Variants in ITGB7 observed in about 807,000 individuals in gnomAD.
ITGB7 encodes the protein integrin subunit beta 7.
A neutral mutation model predicts 83.4 loss-of-function variants in ITGB7; 55 were observed. The ratio of observed to expected loss-of-function variants is 0.66; its 90% CI spans 0.53 to 0.83. The LOEUF (loss-of-function observed/expected upper bound fraction) is 0.83, where lower values mean the gene tolerates loss of function less well. ITGB7 is among the 40% of genes least tolerant of loss of function. The probability of loss-of-function intolerance (pLI) is 0.00; values close to 1 mark genes in which losing one functional copy is unlikely to be tolerated. For synonymous variants in ITGB7, 454 were observed against 423.6 expected, an observed-to-expected ratio of 1.07 and a Z score of -0.88; for missense variants, 921 against 1,046.7, an observed-to-expected ratio of 0.88 and a Z score of 1.66.
intron 7 of ITGB7, 79 bp downstream of exon 7, chr12:53,195,962 G>A: frequency 5.8e-6 from 9 of 1,540,028 alleles, no homozygotes; most frequent in African/African-American, 1.4e-5. Flanking sequence ...GGTGAGGACT[G>A]TAAGGCTGGG....
intron 11 of ITGB7, 102 bp downstream of exon 11, chr12:53,193,606 G>T: frequency 9.4e-7 from 1 of 1,060,782 alleles, no homozygotes; most frequent in Non-Finnish European, 1.4e-6. Context: ...TCGGGATGTC[G>T]AGGAGACTCC....
At chr12:53,194,407 T>G in intron 9 of ITGB7, 63 bp from the exon 10 acceptor site, 1 of 1,540,292 alleles carries the variant, frequency 6.5e-7, no homozygotes, top group South Asian at 1.2e-5. Flanking sequence ...CCCCACCTTA[T>G]GTCCTCTCCA....
chr12:53,193,308 A>G lies in ITGB7; in HGVS notation c.1558T>C (p.Ser520Pro), dbSNP rs1359793523. The change falls in exon 12 of 16, where the codon TCC (serine) becomes CCC (proline). Residue 520 changes from serine to proline, a missense_variant. Coordinates refer to ENST00000267082, the MANE Select transcript of ITGB7 (RefSeq NM_000889.3). ...CGGCACCCAGATTCCAGGTCTGGGG[A>G]GGACAGCTCTGCCACAGAGCACTCA... ...LCECSVAELS[S>P]PDLESGCRAP... The G allele has an allele frequency of 1.2e-6, 2 of 1,610,432 alleles. No individual in the cohort carries two copies. The highest frequency in any genetic ancestry group is 2.2e-5 in the South Asian group (2 of 90,924).
In ITGB7 at chr12:53,192,134, C is replaced by G. The variant is rs6580934; in HGVS notation, c.2156-115G>C. The G allele has an allele frequency of 5.5e-3, 7,498 of 1,358,654 alleles. 325 individuals carry two copies. In the African/African-American group the frequency reaches 0.095, roughly 17 times the overall value. 84.2% of individuals were successfully genotyped at this position (1,358,654 alleles called of 1,614,324 possible). On this transcript the variant is annotated intron_variant, in intron 14 of 15. Coordinates refer to ENST00000267082, the MANE Select transcript of ITGB7 (RefSeq NM_000889.3). ...TGTCTGTCACTGAAAGCAAAGGGAA[C>G]CCAGGGAGGTCCAAGGTTATCCTCA...
In ITGB7 at chr12:53,194,202, T is replaced by C. The variant is rs761024101; in HGVS notation, c.1304A>G (p.Gln435Arg). The C allele has an allele frequency of 6.2e-7, 1 of 1,614,110 alleles. No homozygotes were observed. The highest frequency in any genetic ancestry group is 8.5e-7 in the Non-Finnish European group (1 of 1,180,008). Residue 435 changes from glutamine to arginine, a missense_variant, in exon 10 of 16, where the codon CAG becomes CGG. Physicochemically the swap from Gln to Arg is conservative, Grantham distance 43 (BLOSUM62 1). Transcript: ENST00000267082. ...CCTGTGCTTGCTGGCTCTCACCGTC[T>C]GGTTGATTCGGACGTGGTTGCACTG... Reference protein sequence around the residue: ...RGQCNHVRINQTVTFWVSLQA... With the variant: ...RGQCNHVRINRTVTFWVSLQA...
chr12:53,192,497 G>T lies in ITGB7; in HGVS notation c.1988C>A (p.Ala663Asp). The part of the protein sequence containing the change: ...ECGAFRTGPL[A>D]TNCSTACAHT... ...GGCACAAGCTGTACTGCAGTTGGTG[G>T]CCAGTGGGCCAGTCCTGAAGGCCCC... Residue 663 changes from alanine (A) to aspartate (D), a missense_variant, in exon 14 of 16, where the codon GCC becomes GAC. By Grantham distance (126) the Ala-to-Asp change is moderately radical. Coordinates refer to ENST00000267082, the MANE Select transcript of ITGB7 (RefSeq NM_000889.3). 1 of 1,614,162 alleles carries T rather than the reference G, an allele frequency of 6.2e-7. No individual in the cohort carries two copies. The highest frequency in any genetic ancestry group is 1.1e-5 in the South Asian group (1 of 91,084).
In ITGB7 at chr12:53,193,584, C is replaced by CTT. The variant is rs374740581; in HGVS notation, c.1502+123_1502+124insAA. On this transcript the variant is annotated intron_variant, in intron 11 of 15. Transcript: ENST00000267082. ...ACATGGGAAGCTTCAAGGGATGAAA[C>CTT]TGAGTGGGGAGTCGGGATGTCGAGG... The CTT allele has an allele frequency of 1.9e-3, 1,701 of 908,704 alleles. 26 individuals carry two copies. The African/African-American group carries it at 0.026, about 14-fold the overall frequency. The allele number at this position is 908,704 out of a possible 1,614,324, so 56.3% of individuals were successfully genotyped here.
rs370437984 is a variant in ITGB7 at position 53,192,789 on chromosome 12, A to G, written c.1848T>C (p.His616=). ...ISPEGGLCSG[H]GRCKCNRCQC... is the part of the protein sequence containing the mutation. ...GGCAGCGGTTGCATTTGCAGCGTCC[A>G]TGCCCACTGCAGAGCCCTCCCTCGG... is the stretch of plus-strand genomic sequence containing the variant. Residue 616 remains histidine, a synonymous_variant, in exon 13 of 16, where the codon CAT becomes CAC. Transcript: ENST00000267082. The G allele has an allele frequency of 9.2e-5, 148 of 1,614,132 alleles. No individual in the cohort carries two copies. The highest frequency in any genetic ancestry group is 1.2e-4 in the Non-Finnish European group (145 of 1,180,052).
At chr12:53,195,594 G>A (rs1183840165) in intron 8 of ITGB7, 32 bp downstream of exon 8, 13 of 1,582,492 alleles carry the variant, frequency 8.2e-6, no homozygotes, top group South Asian at 1.1e-5. Flanking sequence ...TTGGGATGGG[G>A]CTGGGGGATC....
chr12:53,197,615 G>A lies in ITGB7; in HGVS notation c.452C>T (p.Pro151Leu), dbSNP rs201981995. 32 of 1,614,154 alleles carry A rather than the reference G, an allele frequency of 2.0e-5. No individual in the cohort carries two copies. In the Admixed American group the frequency reaches 4.5e-4, roughly 23 times the overall value. ...GTCCATAAGGTAGTACAGGTCCACC[G>A]GGTATCCCTCAGCACGAAGGAAGCG... is the stretch of plus-strand genomic sequence containing the variant. ...QVRFLRAEGY[P>L]VDLYYLMDLS... The change falls in exon 5 of 16, where the codon CCG (proline) becomes CTG (leucine). Residue 151 changes from proline to leucine, a missense_variant. Transcript: ENST00000267082.
At chr12:53,198,204 A>C (rs1311227429) in intron 3 of ITGB7, among the ~76,000 whole-genome samples, 1 of 152,220 alleles carries the variant, frequency 6.6e-6, no homozygotes, top group African/African-American at 2.4e-5. Context: ...ATCTCCGCTC[A>C]CTGCAACCTC....
intron 10 of ITGB7, 59 bp downstream of exon 10, chr12:53,194,139 T>C (rs1942073022): frequency 1.9e-6 from 3 of 1,608,318 alleles, no homozygotes; most frequent in South Asian, 1.1e-5. Flanking sequence ...TCCTGCCTGC[T>C]TAATTTCCCA....
intron 3 of ITGB7, among the ~76,000 whole-genome samples, chr12:53,199,909 C>T (rs189900600): frequency 1.6e-4 from 24 of 152,326 alleles, no homozygotes; most frequent in African/African-American, 5.5e-4. Context: ...TTTACATACA[C>T]AACAGCTCCC....
At chr12:53,197,306 C>T (rs1320430169) in intron 5 of ITGB7, 187 bp downstream of exon 5, 8 of 688,632 alleles carry the variant, frequency 1.2e-5, no homozygotes, top group African/African-American at 3.5e-5. Flanking sequence ...CTCTTGAGTC[C>T]TCTCCAGCTC....
Position 53,197,459 on chromosome 12 carries a change from G to A in ITGB7, c.574+34C>T, listed in dbSNP as rs781566781. On this transcript the variant is annotated intron_variant, in intron 5 of 15. Coordinates refer to ENST00000267082, the MANE Select transcript of ITGB7 (RefSeq NM_000889.3). ...GCTAGGGCAGTGGTTGAATAGGCAAGGGCTAACAGGGCGGGAGGCAGCGCT... is the reference window on the plus strand; with the variant it reads ...GCTAGGGCAGTGGTTGAATAGGCAAAGGCTAACAGGGCGGGAGGCAGCGCT... 1.2e-5 allele frequency: 20 copies of A among 1,613,016 alleles called. No homozygotes were observed. In the East Asian group the frequency reaches 3.8e-4, roughly 31 times the overall value.
At chr12:53,200,577 ACTTCC>A in intron 2 of ITGB7, 131 bp from the exon 3 acceptor site, 2 of 722,022 alleles carry the variant, frequency 2.8e-6, no homozygotes, top group Non-Finnish European at 4.6e-6. Flanking sequence ...TCATAGTTTC[ACTTCC>A]CCTGTGGATT....
At chr12:53,197,471 C>G (rs1565704609) in intron 5 of ITGB7, 22 bp downstream of exon 5, 1 of 1,613,846 alleles carries the variant, frequency 6.2e-7, no homozygotes, top group Non-Finnish European at 8.5e-7. Context: ...GCTAACAGGG[C>G]GGGAGGCAGC....
intron 5 of ITGB7, 41 bp downstream of exon 5, chr12:53,197,452 T>A (rs1313956154): frequency 6.2e-7 from 1 of 1,611,916 alleles, no homozygotes; most frequent in African/African-American, 1.3e-5. Flanking sequence ...AGTGGTTGAA[T>A]AGGCAAGGGC....
At chr12:53,193,513 G>T in intron 11 of ITGB7, 150 bp from the exon 12 acceptor site, 2 of 745,630 alleles carry the variant, frequency 2.7e-6, no homozygotes, top group Non-Finnish European at 4.3e-6. Flanking sequence ...AACACTGAGG[G>T]GTGAGAGAGT....
Sources: allele counts gnomAD v4.1 joint callset (sites outside exome capture counted in the v4.1 genomes callset), GRCh38; gene constraint gnomAD v4.1.1; transcripts MANE v1.5; gene names NCBI Gene and HGNC (gene_info 2026-07-23, HGNC 2026-07-21).